Variants in TMX3 observed in about 807,000 individuals in gnomAD.
TMX3 encodes the protein protein disulfide-isomerase TMX3.
Under a neutral mutation model 64.4 loss-of-function variants are expected in TMX3, and 40 were observed. The observed-to-expected ratio is 0.62, with a 90% CI of 0.48 to 0.81. The LOEUF (loss-of-function observed/expected upper bound fraction) is 0.81. Among genes scored for constraint, TMX3 ranks in the 30% least tolerant of loss-of-function variants. TMX3 has a pLI of 0.00. For synonymous variants in TMX3, 189 were observed against 175.7 expected (o/e 1.08, Z -0.60); for missense variants, 497 against 534.5 (o/e 0.93, Z 0.69).
rs1399508665 is a variant in TMX3, at chr18:68,701,729, A to G, written c.311+16T>C. The G allele has an allele frequency of 1.2e-6, 2 of 1,611,680 alleles. No homozygotes were observed. The highest frequency in any genetic ancestry group is 1.7e-6 in the Non-Finnish European group (2 of 1,178,522). ...CTAATAAAAATACACATATAAACAT[A>G]CAACACTCAACTTACAGCTTAATTG... On this transcript the variant is annotated intron_variant, in intron 5 of 15. Transcript: ENST00000299608.
chr18:68,712,506 GA>G (rs1477406001), intron 2 of TMX3, among the ~76,000 whole-genome samples: 1 of 152,080 alleles, frequency 6.6e-6, no homozygotes. Flanking sequence ...CTGGAGCAAG[GA>G]ACAATTCATT....
chr18:68,701,850 C>A (rs1599331543), intron 4 of TMX3, 60 bp from the exon 5 acceptor site: 1 of 1,368,480 alleles, frequency 7.3e-7, no homozygotes, highest in East Asian at 2.3e-5. Flanking sequence ...AACTAGGTAA[C>A]AAATGAGGCT....
Position 68,676,990 on chromosome 18 carries a change from T to C in TMX3, c.1308A>G (p.Gly436=), listed in dbSNP as rs747799184. Residue 436 remains glycine, a synonymous_variant, in exon 16 of 16, where the codon GGA becomes GGG. Transcript: ENST00000299608. The stretch of plus-strand genomic sequence containing the variant: ...GCTCCTGCACTGTAGGCACTACAGA[T>C]CCTCCACTGCTGGGCTCCTGCTGTT... The part of the protein sequence containing the change: ...SKEQQEPSSG[G]SVVPTVQEPK... 6.2e-7 allele frequency: 1 copy of C among 1,613,826 alleles called. No homozygotes were observed. Among genetic ancestry groups the C allele is most frequent in the Non-Finnish European group, 8.5e-7 (1 of 1,179,806 alleles).
At chr18:68,714,677 A>T (rs1323438043) in intron 1 of TMX3, among the ~76,000 whole-genome samples, 1 of 152,226 alleles carries the variant, frequency 6.6e-6, no homozygotes, top group Non-Finnish European at 1.5e-5. Context: ...CCACAATGAG[A>T]AAAACACAAA....
intron 1 of TMX3, among the ~76,000 whole-genome samples, 195 bp from the exon 2 acceptor site, chr18:68,714,095 C>T: frequency 6.6e-6 from 1 of 152,108 alleles, no homozygotes; most frequent in East Asian, 1.9e-4. Context: ...TGTATGCAAC[C>T]ATATCGTGAC....
intron 15 of TMX3, among the ~76,000 whole-genome samples, chr18:68,678,997 A>G (rs773671239): frequency 1.3e-5 from 2 of 152,142 alleles, no homozygotes; most frequent in Non-Finnish European, 2.9e-5. Flanking sequence ...AGGGAAAAGT[A>G]CAGAATTAAC....
intron 13 of TMX3, 85 bp downstream of exon 13, chr18:68,682,839 AG>A (rs1356492487): frequency 2.8e-5 from 31 of 1,108,426 alleles, no homozygotes; most frequent in Non-Finnish European, 4.0e-5. Context: ...GCTATTTTTC[AG>A]CTATTTAATC....
intron 9 of TMX3, chr18:68,689,739 C>A (rs1023777858): frequency 6.6e-6 from 1 of 152,156 alleles, no homozygotes; most frequent in South Asian, 2.1e-4. Flanking sequence ...ATAAGCCCAA[C>A]GTCTAATACA....
intron 3 of TMX3, 80 bp from the exon 4 acceptor site, chr18:68,710,224 T>C (rs1840322785): frequency 8.0e-7 from 1 of 1,249,898 alleles, no homozygotes; most frequent in South Asian, 2.1e-5. Flanking sequence ...AATCTTAATA[T>C]TTAAAGAATC....
At chr18:68,714,563 G>T in intron 1 of TMX3, 2 of 315,164 alleles carry the variant, frequency 6.3e-6, no homozygotes, top group Non-Finnish European at 1.2e-5. Context: ...ATCCTTAAAC[G>T]TGACAAGACT....
intron 8 of TMX3, among the ~76,000 whole-genome samples, chr18:68,695,967 G>T (rs1395061247): frequency 1.3e-5 from 2 of 152,094 alleles, no homozygotes; most frequent in Admixed American, 1.3e-4. Flanking sequence ...CATCATGTCA[G>T]GTGTGTTCGC....
At chr18:68,681,468 G>A in intron 13 of TMX3, 1 of 984,620 alleles carries the variant, frequency 1.0e-6, no homozygotes, top group African/African-American at 1.7e-5. Flanking sequence ...TAATTGTATA[G>A]ATACTTTTTT....
At chr18:68,693,928 G>C (rs571562653) in intron 8 of TMX3, among the ~76,000 whole-genome samples, 1 of 152,070 alleles carries the variant, frequency 6.6e-6, no homozygotes, top group African/African-American at 2.4e-5. Context: ...GCACTTCCTC[G>C]ATTCTGAGCA....
At chr18:68,683,758 C>T (rs1462461222) in intron 12 of TMX3, among the ~76,000 whole-genome samples, 1 of 152,202 alleles carries the variant, frequency 6.6e-6, no homozygotes, top group African/African-American at 2.4e-5. Flanking sequence ...AGTAGTCCCC[C>T]CTTATCCATA....
At chr18:68,692,774 C>T (rs570776547) in intron 8 of TMX3, among the ~76,000 whole-genome samples, 4 of 152,242 alleles carry the variant, frequency 2.6e-5, no homozygotes, top group African/African-American at 9.6e-5. Context: ...AGCTGAGAAG[C>T]CCAATTAAAA....
Position 68,714,990 on chromosome 18 carries a change from G to C in TMX3, c.-9C>G. ...CTCTTCCACGCTGCCATGCTAGCCC[G>C]GGAGAGCTGCAGAAGCTGACTGTGC... On this transcript the variant is annotated 5_prime_UTR_variant, in exon 1 of 16. Transcript: ENST00000299608. 6.4e-7 allele frequency: 1 copy of C among 1,568,708 alleles called. No homozygotes were observed. Among genetic ancestry groups the C allele is most frequent in the Non-Finnish European group, 8.6e-7 (1 of 1,157,392 alleles).
At position 68,679,621 on chromosome 18, in the gene TMX3, G is replaced by C. The variant is rs117565819; in HGVS notation, c.1036-90C>G. On this transcript the variant is annotated intron_variant, in intron 14 of 15. Coordinates refer to ENST00000299608, the MANE Select transcript of TMX3 (RefSeq NM_019022.5). Reference sequence around the variant, plus strand: ...TAACCTTACAATTGCAGGCCAAATGGTTGACTCCAAAATATTACATAATCA... The same window carrying C: ...TAACCTTACAATTGCAGGCCAAATGCTTGACTCCAAAATATTACATAATCA... 9.4e-3 allele frequency: 9,870 copies of C among 1,052,846 alleles called. 69 individuals carry two copies. The highest frequency in any genetic ancestry group is 0.012 in the Non-Finnish European group (8,375 of 723,772). 65.2% of individuals were successfully genotyped at this position (1,052,846 alleles called of 1,614,324 possible). A position where few individuals can be genotyped will look rare whatever the true frequency, so the allele number is the denominator to read the frequency against.
intron 10 of TMX3, among the ~76,000 whole-genome samples, chr18:68,684,801 A>T (rs1403739351): frequency 1.3e-5 from 2 of 152,148 alleles, no homozygotes; most frequent in African/African-American, 4.8e-5. Flanking sequence ...TTTTTTCCTT[A>T]CACCCTACAA....
chr18:68,698,408 A>T (rs1306228262), intron 6 of TMX3, among the ~76,000 whole-genome samples: 1 of 152,214 alleles, frequency 6.6e-6, no homozygotes, highest in African/African-American at 2.4e-5. Context: ...TCAAAAGATC[A>T]TTCACAAAAA....
Sources: allele counts gnomAD v4.1 joint callset (sites outside exome capture counted in the v4.1 genomes callset), GRCh38; gene constraint gnomAD v4.1.1; transcripts MANE v1.5; gene names NCBI Gene and HGNC (gene_info 2026-07-23, HGNC 2026-07-21).